MGAT1: variants seen among roughly 807,000 people sequenced by gnomAD.
MGAT1 encodes the protein alpha-1,3-mannosyl-glycoprotein 2-beta-N-acetylglucosaminyltransferase, also known as N-glycosyl-oligosaccharide-glycoprotein N-acetylglucosaminyltransferase I.
A neutral mutation model predicts 31.7 loss-of-function variants in MGAT1; 14 were observed. The ratio of observed to expected loss-of-function variants is 0.44; its 90% CI spans 0.29 to 0.69. The LOEUF is 0.69. MGAT1 is among the 30% of genes least tolerant of loss of function. The pLI is 0.12. For missense variants in MGAT1, 557 were observed against 626.0 expected, an observed-to-expected ratio of 0.89 and a Z score of 1.18; for synonymous variants, 338 against 276.0, an observed-to-expected ratio of 1.22 and a Z score of -2.23.
At chr5:180,813,575 G>C (rs756570729) in intron 1 of MGAT1, among the ~76,000 whole-genome samples, 3 of 152,192 alleles carry the variant, frequency 2.0e-5, no homozygotes, top group Non-Finnish European at 4.4e-5. Context: ...TAAACACTTA[G>C]GAGTAAGCTA....
At chr5:180,812,591 T>TA (rs1772645911) in intron 1 of MGAT1, among the ~76,000 whole-genome samples, 1 of 152,004 alleles carries the variant, frequency 6.6e-6, no homozygotes, top group African/African-American at 2.4e-5. Flanking sequence ...CACACATACA[T>TA]AACAGGTACA....
rs757132216 is a variant in MGAT1 at position 180,792,829 on chromosome 5, G to C, written c.143C>G (p.Ala48Gly). The C allele has an allele frequency of 1.6e-5, 25 of 1,561,288 alleles. No individual in the cohort carries two copies. The highest frequency in any genetic ancestry group is 2.0e-5 in the Non-Finnish European group (23 of 1,153,720). Residue 48 changes from alanine (A) to glycine (G), a missense_variant, in exon 2 of 2, where the codon GCC (alanine) becomes GGC (glycine). Ala to Gly is a moderately conservative substitution (Grantham distance 60). Coordinates refer to ENST00000307826, the MANE Select transcript of MGAT1 (RefSeq NM_002406.4). ...GCGAATCACTTCCCGGGTGAGGCTG[G>C]CGGGGTCGCCATCGAGAGCGCTGAC... ...PSVSALDGDP[A>G]SLTREVIRLA... is the part of the protein sequence containing the mutation.
At chr5:180,800,049 A>G (rs574865894) in intron 1 of MGAT1, among the ~76,000 whole-genome samples, 1 of 152,374 alleles carries the variant, frequency 6.6e-6, no homozygotes, top group African/African-American at 2.4e-5. Context: ...AAAGACCACA[A>G]GCAAGAACCA....
intron 1 of MGAT1, among the ~76,000 whole-genome samples, chr5:180,796,336 A>T (rs1427751636): frequency 6.6e-6 from 1 of 152,218 alleles, no homozygotes; most frequent in Non-Finnish European, 1.5e-5. Flanking sequence ...ACGCCAGGAC[A>T]TCAGTCTTCT....
rs914187498 is a variant in MGAT1 at position 180,786,725 on chromosome 5, G to C, written c.*4909C>G. On this transcript the variant is annotated 3_prime_UTR_variant, in exon 2 of 2. Transcript: ENST00000307826. The stretch of plus-strand genomic sequence containing the variant: ...CTCGTGCTAAGAAGAGTGAGACTGA[G>C]ACCTGAGAAGGAGCCTGGGCCCTGA... 2.6e-5 allele frequency: 4 copies of C among 152,346 alleles called. No homozygotes were observed. The highest frequency in any genetic ancestry group is 5.9e-5 in the Non-Finnish European group (4 of 68,210). The allele number at this position is 152,346 out of a possible 1,614,324, so 9.4% of individuals were successfully genotyped here.
At chr5:180,804,873 C>T (rs1771627614), upstream of MGAT1, among the ~76,000 whole-genome samples, 2 of 152,228 alleles carry the variant, frequency 1.3e-5, no homozygotes, top group Admixed American at 6.5e-5. Flanking sequence ...TGCACTGTAA[C>T]GCACACCCCA....
chr5:180,788,294 G>A lies in MGAT1; in HGVS notation c.*3340C>T, dbSNP rs567503907. 6.6e-6 allele frequency: 1 copy of A among 152,086 alleles called. No homozygotes were observed. The highest frequency in any genetic ancestry group is 1.5e-5 in the Non-Finnish European group (1 of 68,164). The allele number at this position is 152,086 out of a possible 1,614,324, so 9.4% of individuals were successfully genotyped here. On this transcript the variant is annotated 3_prime_UTR_variant, in exon 2 of 2. Coordinates refer to ENST00000307826, the MANE Select transcript of MGAT1 (RefSeq NM_002406.4). ...GAACCCAGTCTTTCGTCTTGTAAGG[G>A]GGTCCTCTGGCACCGCAGGCCCCAA...
rs1390301972 is a variant in MGAT1 at position 180,787,626 on chromosome 5, A to T, written c.*4008T>A. 2.0e-5 allele frequency: 3 copies of T among 152,286 alleles called. No homozygotes were observed. The highest frequency in any genetic ancestry group is 7.2e-5 in the African/African-American group (3 of 41,470). 9.4% of individuals were successfully genotyped at this position (152,286 alleles called of 1,614,324 possible). A position where few individuals can be genotyped will look rare whatever the true frequency, so the allele number is the denominator to read the frequency against. ...GAGCGTGTGCAGTATGTTGTATCTA[A>T]AATGAACATGTAATACGAAAAGCCA... is the stretch of plus-strand genomic sequence containing the variant. On this transcript the variant is annotated 3_prime_UTR_variant, in exon 2 of 2. Transcript: ENST00000307826.
In MGAT1 at chr5:180,788,074, A is replaced by C. The variant is rs767405893; in HGVS notation, c.*3560T>G. ...CGCAAGGCAGCTCTGTAAACCTGCA[A>C]ACTCGAGGCTGGCTGAACTCTACAG... On this transcript the variant is annotated 3_prime_UTR_variant, in exon 2 of 2. Transcript: ENST00000307826. The C allele has an allele frequency of 1.3e-5, 2 of 153,268 alleles. No homozygotes were observed. The highest frequency in any genetic ancestry group is 2.4e-5 in the African/African-American group (1 of 41,480). The allele number at this position is 153,268 out of a possible 1,614,324, so 9.5% of individuals were successfully genotyped here.
chr5:180,796,791 T>C (rs1769483320), intron 1 of MGAT1, among the ~76,000 whole-genome samples: 1 of 152,098 alleles, frequency 6.6e-6, no homozygotes, highest in Non-Finnish European at 1.5e-5. Context: ...TTTGTATTTT[T>C]AATAGAGACG....
chr5:180,797,844 T>TA (rs1554130667), intron 1 of MGAT1, among the ~76,000 whole-genome samples: 1 of 117,712 alleles, frequency 8.5e-6, no homozygotes, highest in Non-Finnish European at 1.9e-5. Flanking sequence ...CCCACCTCCT[T>TA]AGGCTCAGCC....
At chr5:180,799,234 T>G (rs1191395252) in intron 1 of MGAT1, among the ~76,000 whole-genome samples, 1 of 152,130 alleles carries the variant, frequency 6.6e-6, no homozygotes, top group Non-Finnish European at 1.5e-5. Context: ...AAACATCCCT[T>G]TTCAACCTTA....
chr5:180,804,090 C>T (rs1459733778), upstream of MGAT1, among the ~76,000 whole-genome samples: 2 of 152,200 alleles, frequency 1.3e-5, no homozygotes, highest in African/African-American at 4.8e-5. Context: ...GAGGCGAGGA[C>T]CTAAATCAAA....
chr5:180,788,836 C>CTAAGTTGGTACTTATCCTGGAGCACTAAG lies in MGAT1; in HGVS notation c.*2769_*2797dup. On this transcript the variant is annotated 3_prime_UTR_variant, in exon 2 of 2. Transcript: ENST00000307826. Reference sequence around the variant, plus strand: ...GTAAGTTGGTACTTATCCTGGAGCACTAAGTTGGTACTTATCCTGGAGCAC... The same window carrying CTAAGTTGGTACTTATCCTGGAGCACTAAG: ...GTAAGTTGGTACTTATCCTGGAGCACTAAGTTGGTACTTATCCTGGAGCACTAAGTAAGTTGGTACTTATCCTGGAGCAC... 1.3e-5 allele frequency: 2 copies of CTAAGTTGGTACTTATCCTGGAGCACTAAG among 149,206 alleles called. No individual in the cohort carries two copies. The highest frequency in any genetic ancestry group is 4.9e-5 in the African/African-American group (2 of 40,574). 9.2% of individuals were successfully genotyped at this position (149,206 alleles called of 1,614,324 possible).
At chr5:180,810,474 C>T (rs3797107) in intron 1 of MGAT1, 1,540 of 152,446 alleles carry the variant, frequency 0.01, 13 homozygotes, top group East Asian at 0.033. Context: ...AGCGGAAGCG[C>T]GCGGCAGGTG....
chr5:180,795,750 G>C (rs1769218867), intron 1 of MGAT1: 1 of 152,180 alleles, frequency 6.6e-6, no homozygotes, highest in South Asian at 2.1e-4. Flanking sequence ...TAGCTCTGAA[G>C]AGCTTCATCC....
chr5:180,788,631 G>T lies in MGAT1; in HGVS notation c.*3003C>A, dbSNP rs747528908. 4 of 152,238 alleles carry T rather than the reference G, an allele frequency of 2.6e-5. No homozygotes were observed. The highest frequency in any genetic ancestry group is 5.9e-5 in the Non-Finnish European group (4 of 68,060). 9.4% of individuals were successfully genotyped at this position (152,238 alleles called of 1,614,324 possible). ...ACCCACCGCCTAGGCTTGCTCTGAG[G>T]ATCAAGTAAGTTGGTACTTATCCTG... On this transcript the variant is annotated 3_prime_UTR_variant, in exon 2 of 2. Coordinates refer to ENST00000307826, the MANE Select transcript of MGAT1 (RefSeq NM_002406.4).
intron 1 of MGAT1, among the ~76,000 whole-genome samples, chr5:180,797,623 G>A (rs953232365): frequency 1.3e-5 from 2 of 152,158 alleles, no homozygotes; most frequent in South Asian, 4.1e-4. Flanking sequence ...ACCCTTCTAA[G>A]CCATGCAGAG....
In MGAT1 at chr5:180,787,449, C is replaced by T. The variant is rs575811930; in HGVS notation, c.*4185G>A. 6.6e-6 allele frequency: 1 copy of T among 152,340 alleles called. No individual in the cohort carries two copies. The highest frequency in any genetic ancestry group is 2.1e-4 in the South Asian group (1 of 4,830). 9.4% of individuals were successfully genotyped at this position (152,340 alleles called of 1,614,324 possible). ...AAAGAGGGCAAGCTTCTGTTCTATA[C>T]ATTTGTATGTTATTTAAAGTTACAC... On this transcript the variant is annotated 3_prime_UTR_variant, in exon 2 of 2. Coordinates refer to ENST00000307826, the MANE Select transcript of MGAT1 (RefSeq NM_002406.4).
Sources: allele counts gnomAD v4.1 joint callset (sites outside exome capture counted in the v4.1 genomes callset), GRCh38; gene constraint gnomAD v4.1.1; transcripts MANE v1.5; gene names NCBI Gene and HGNC (gene_info 2026-07-23, HGNC 2026-07-21).